Variants in IBTK observed in about 807,000 individuals in gnomAD.
IBTK encodes BTK-binding protein.
IBTK carries 83 observed loss-of-function variants against 154.9 expected under a neutral mutation model. The ratio of observed to expected loss-of-function variants is 0.54; its 90% CI spans 0.45 to 0.64. IBTK has a LOEUF of 0.64. Among genes scored for constraint, IBTK ranks in the 30% least tolerant of loss-of-function variants. IBTK has a pLI of 0.00. For synonymous variants in IBTK, 515 were observed against 536.1 expected, an observed-to-expected ratio of 0.96 and a Z score of 0.54; for missense variants, 1,332 against 1,584.6, an observed-to-expected ratio of 0.84 and a Z score of 2.71.
At chr6:82,190,551 A>G (rs1437007718) in intron 25 of IBTK, among the ~76,000 whole-genome samples, 1 of 152,186 alleles carries the variant, frequency 6.6e-6, no homozygotes, top group Non-Finnish European at 1.5e-5. Flanking sequence ...GTAAATTCCA[A>G]TGGAGAAAAT....
chr6:82,179,312 T>A (rs1218471576), intron 26 of IBTK, among the ~76,000 whole-genome samples: 1 of 152,176 alleles, frequency 6.6e-6, no homozygotes, highest in Non-Finnish European at 1.5e-5. Context: ...GTCTATATTT[T>A]TGTTTGATTT....
intron 9 of IBTK, among the ~76,000 whole-genome samples, chr6:82,218,528 T>C (rs935801990): frequency 6.6e-6 from 1 of 152,144 alleles, no homozygotes; most frequent in African/African-American, 2.4e-5. Flanking sequence ...GAGCCCCCTA[T>C]GAAAATCCAA....
intron 17 of IBTK, among the ~76,000 whole-genome samples, chr6:82,203,495 A>C (rs890883266): frequency 2.0e-4 from 30 of 152,124 alleles, no homozygotes; most frequent in African/African-American, 7.2e-4. Context: ...TCTCTGTCTC[A>C]CTCCTGACTA....
Position 82,182,043 on chromosome 6 carries a change from A to C in IBTK, c.3576-15T>G. ...GAGAAGATGCCCTGCAAAAGAAAGC[A>C]AAGATCATGTTAAAACATCCATTTT... is the stretch of plus-strand genomic sequence containing the variant. On this transcript the variant is annotated splice_polypyrimidine_tract_variant and intron_variant, in intron 25 of 28. Transcript: ENST00000306270. 6.3e-7 allele frequency: 1 copy of C among 1,587,526 alleles called. No individual in the cohort carries two copies. The highest frequency in any genetic ancestry group is 1.2e-5 in the South Asian group (1 of 84,604).
chr6:82,240,671 C>A lies in IBTK; in HGVS notation c.-185G>T, dbSNP rs1297591877. ...TTATACAATTTTTTGGCACTTAAAT[C>A]AAAAAAATTATAAATAGCTCTATAA... On this transcript the variant is annotated 5_prime_UTR_variant, in exon 2 of 29. Transcript: ENST00000306270. The A allele has an allele frequency of 9.6e-6, 5 of 521,778 alleles. No individual in the cohort carries two copies. The highest frequency in any genetic ancestry group is 1.9e-5 in the African/African-American group (1 of 51,764). The allele number at this position is 521,778 out of a possible 1,614,324, so 32.3% of individuals were successfully genotyped here.
intron 26 of IBTK, among the ~76,000 whole-genome samples, chr6:82,177,775 C>T (rs1041884423): frequency 2.0e-5 from 3 of 152,262 alleles, no homozygotes; most frequent in Non-Finnish European, 4.4e-5. Context: ...GTCTCAAACT[C>T]CTGGCCTCAT....
At position 82,245,418 on chromosome 6, in the gene IBTK, G is replaced by A. The variant is rs144638267; in HGVS notation, c.-358+2144C>T. 9.1e-4 allele frequency among the ~76,000 whole-genome samples: 138 copies of A among 152,126 alleles called. 3 individuals carry two copies. In the East Asian group the frequency reaches 0.023, roughly 25 times the overall value. ...ACAAAAAAAAATACAAAAATTAGGC[G>A]TAGTGGCACATCCCTGTAGTCCCAA... On this transcript the variant is annotated intron_variant, in intron 1 of 28. Transcript: ENST00000306270.
chr6:82,238,888 G>A (rs890402706), intron 2 of IBTK, among the ~76,000 whole-genome samples: 5 of 151,470 alleles, frequency 3.3e-5, no homozygotes, highest in South Asian at 2.1e-4. Context: ...ACAAGCACAC[G>A]CCACTACACC....
At chr6:82,209,421 A>G (rs1205253796) in intron 16 of IBTK, among the ~76,000 whole-genome samples, 1 of 152,202 alleles carries the variant, frequency 6.6e-6, no homozygotes, top group Non-Finnish European at 1.5e-5. Flanking sequence ...AACACAGATA[A>G]ATTTTTAAAA....
chr6:82,191,833 C>T lies in IBTK; in HGVS notation c.3385G>A (p.Glu1129Lys), dbSNP rs763429423. ...VVDLRTIMEIEESRQKCGATP... is the reference protein window; with the variant it reads ...VVDLRTIMEIKESRQKCGATP... ...GCTCCACATTTTTGTCTACTTTCTT[C>T]TATTTCCATGATAGTTCTGAGATCC... The change falls in exon 24 of 29, where the codon GAA becomes AAA. Residue 1129 changes from glutamate (E) to lysine (K), a missense_variant. Around this residue, in one of 3 missense-constraint regions of IBTK, gnomAD observed 1,134 missense variants for 1,274.7 expected, o/e 0.89. Coordinates refer to ENST00000306270, the MANE Select transcript of IBTK (RefSeq NM_015525.4). 5.3e-5 allele frequency: 85 copies of T among 1,612,084 alleles called. No individual in the cohort carries two copies. Among genetic ancestry groups the T allele is most frequent in the Non-Finnish European group, 7.0e-5 (82 of 1,178,470 alleles).
At chr6:82,236,290 ATTAC>A (rs1217003743) in intron 2 of IBTK, among the ~76,000 whole-genome samples, 1 of 152,216 alleles carries the variant, frequency 6.6e-6, no homozygotes, top group Non-Finnish European at 1.5e-5. Context: ...TAGCACCTGG[ATTAC>A]TGCCTGGCAC....
rs1265992980 is a variant in IBTK, at chr6:82,196,443, A to G, written c.3029T>C (p.Leu1010Ser). The change falls in exon 22 of 29, where the codon TTA (leucine) becomes TCA (serine). Residue 1010 changes from leucine (L) to serine (S), a missense_variant. Physicochemically the swap from Leu to Ser is moderately radical, Grantham distance 145. This residue lies in a region of IBTK where 1,134 missense variants were observed against 1,274.7 expected (regional missense o/e 0.89). Transcript: ENST00000306270. ...DIIQSPSSTG[L>S]LKSGKTNSVE... ...AGAATTGGTCTTACCAGACTTTAAT[A>G]ATCCTAAAACATGAAATTAAAAAAA... is the stretch of plus-strand genomic sequence containing the variant. 3.6e-5 allele frequency: 58 copies of G among 1,596,348 alleles called. No homozygotes were observed. The highest frequency in any genetic ancestry group is 4.9e-5 in the Non-Finnish European group (57 of 1,172,238).
At chr6:82,235,700 T>C (rs748711310) in intron 2 of IBTK, among the ~76,000 whole-genome samples, 7 of 152,356 alleles carry the variant, frequency 4.6e-5, no homozygotes, top group Non-Finnish European at 7.3e-5. Flanking sequence ...TTTTCTTATT[T>C]ATAATTTGAC....
intron 4 of IBTK, among the ~76,000 whole-genome samples, chr6:82,228,007 GC>G (rs1437960412): frequency 6.6e-6 from 1 of 151,820 alleles, no homozygotes; most frequent in African/African-American, 2.4e-5. Context: ...AACTGCCTCA[GC>G]AGAACACAAT....
At chr6:82,226,247 G>A (rs188625890) in intron 5 of IBTK, among the ~76,000 whole-genome samples, 2,634 of 143,142 alleles carry the variant, frequency 0.018, 31 homozygotes, top group Non-Finnish European at 0.026. Context: ...GAGGCTTAAG[G>A]TAATATTATA....
chr6:82,219,480 A>G (rs1770010474), intron 9 of IBTK, among the ~76,000 whole-genome samples: 1 of 152,082 alleles, frequency 6.6e-6, no homozygotes. Flanking sequence ...TCTTCTACCC[A>G]TACTGTGTGT....
intron 26 of IBTK, among the ~76,000 whole-genome samples, chr6:82,181,089 G>A (rs376649896): frequency 6.9e-4 from 105 of 152,136 alleles, no homozygotes; most frequent in African/African-American, 2.5e-3. Flanking sequence ...ACTTTCTAAA[G>A]CAGTATCAAA....
In IBTK at chr6:82,201,492, A is replaced by G; in HGVS notation, c.2730-10T>C. The G allele has an allele frequency of 1.3e-6, 2 of 1,582,588 alleles. No individual in the cohort carries two copies. The highest frequency in any genetic ancestry group is 1.7e-6 in the Non-Finnish European group (2 of 1,157,538). On this transcript the variant is annotated splice_polypyrimidine_tract_variant and intron_variant, in intron 18 of 28. Transcript: ENST00000306270. ...TAAAACATCAAGAGACCTAAAATAT[A>G]GGATACAAAATTCTATCTTAAGATT... is the stretch of plus-strand genomic sequence containing the variant.
At position 82,171,306 on chromosome 6, in the gene IBTK, A is replaced by G. The variant is rs1408818727; in HGVS notation, c.*119T>C. The G allele has an allele frequency of 2.8e-6, 2 of 716,150 alleles. No homozygotes were observed. The highest frequency in any genetic ancestry group is 3.0e-5 in the Admixed American group (1 of 33,598). 44.4% of individuals were successfully genotyped at this position (716,150 alleles called of 1,614,324 possible). Reference sequence around the variant, plus strand: ...ATGATTTAACTGCAGTAAAGAAATTATATCTTTTCTTAATCTATTTAGAAT... The same window carrying G: ...ATGATTTAACTGCAGTAAAGAAATTGTATCTTTTCTTAATCTATTTAGAAT... On this transcript the variant is annotated 3_prime_UTR_variant, in exon 29 of 29. Transcript: ENST00000306270.
Sources: allele counts gnomAD v4.1 joint callset (sites outside exome capture counted in the v4.1 genomes callset), GRCh38; gene constraint gnomAD v4.1.1; regional missense constraint gnomAD v4.1.1; transcripts MANE v1.5; gene names NCBI Gene and HGNC (gene_info 2026-07-23, HGNC 2026-07-21).